STK3: variants seen among roughly 807,000 people sequenced by gnomAD.
The protein encoded by STK3 is serine/threonine-protein kinase 3.
In STK3, 41 loss-of-function variants were observed where a neutral mutation model predicts 58.0. That is an observed-to-expected ratio of 0.71 (90% CI 0.55 to 0.92). STK3 has a LOEUF of 0.92. Among genes scored for constraint, STK3 ranks in the 40% least tolerant of loss-of-function variants. STK3 has a pLI of 0.00. For missense variants in STK3, 479 were observed against 602.7 expected, an observed-to-expected ratio of 0.79 and a Z score of 2.15; for synonymous variants, 170 against 191.0, an observed-to-expected ratio of 0.89 and a Z score of 0.91.
chr8:98,586,565 G>C (rs1414458911), intron 7 of STK3, among the ~76,000 whole-genome samples: 1 of 145,962 alleles, frequency 6.9e-6, no homozygotes, highest in African/African-American at 2.6e-5. Flanking sequence ...TCTCTTTTTT[G>C]GTTGTGTCTC....
At chr8:98,570,282 C>A (rs994136118) in intron 8 of STK3, among the ~76,000 whole-genome samples, 2 of 150,756 alleles carry the variant, frequency 1.3e-5, no homozygotes, top group African/African-American at 4.9e-5. Context: ...GCATGCATCA[C>A]CAAGCCTAGC....
Position 98,723,753 on chromosome 8 carries a change from G to C in STK3, c.352-16442C>G, listed in dbSNP as rs372390681. 5.1e-4 allele frequency among the ~76,000 whole-genome samples: 77 copies of C among 152,116 alleles called. 1 individual carries two copies. The highest frequency in any genetic ancestry group is 1.7e-3 in the African/African-American group (71 of 41,514). On this transcript the variant is annotated intron_variant, in intron 4 of 10. Coordinates refer to ENST00000419617, the MANE Select transcript of STK3 (RefSeq NM_006281.4). ...CTTTTCAAATGCCATAAATAGATAAGTACAGGTACTTCATTTAAGTTTTAC... is the reference window on the plus strand; with the variant it reads ...CTTTTCAAATGCCATAAATAGATAACTACAGGTACTTCATTTAAGTTTTAC...
chr8:98,458,222 T>C (rs1819650619), intron 10 of STK3, among the ~76,000 whole-genome samples: 1 of 152,058 alleles, frequency 6.6e-6, no homozygotes, highest in Non-Finnish European at 1.5e-5. Context: ...AAAAATGATG[T>C]TGGTATTTTG....
chr8:98,483,797 G>A (rs1393381139), intron 10 of STK3, among the ~76,000 whole-genome samples: 1 of 152,110 alleles, frequency 6.6e-6, no homozygotes, highest in African/African-American at 2.4e-5. Flanking sequence ...ATTATCTTGG[G>A]TATCTTAAAT....
intron 3 of STK3, among the ~76,000 whole-genome samples, chr8:98,759,046 A>G (rs1197233409): frequency 6.6e-6 from 1 of 152,186 alleles, no homozygotes; most frequent in East Asian, 1.9e-4. Flanking sequence ...ATCAGCAATG[A>G]GGCTCTTCCA....
At chr8:98,785,481 G>A (rs915302588) in intron 1 of STK3, among the ~76,000 whole-genome samples, 2 of 152,122 alleles carry the variant, frequency 1.3e-5, no homozygotes, top group Non-Finnish European at 2.9e-5. Context: ...CTCCCTATGC[G>A]CTGACACTTG....
intron 8 of STK3, among the ~76,000 whole-genome samples, chr8:98,554,403 A>C (rs1811442571): frequency 6.6e-6 from 1 of 152,114 alleles, no homozygotes; most frequent in African/African-American, 2.4e-5. Context: ...CAAGAAACAT[A>C]ACATCTGATT....
intron 8 of STK3, among the ~76,000 whole-genome samples, chr8:98,567,204 T>C (rs1812554206): frequency 6.6e-6 from 1 of 152,128 alleles, no homozygotes; most frequent in Non-Finnish European, 1.5e-5. Context: ...AAAAATATCA[T>C]TTATGTCTAT....
chr8:98,693,268 T>C (rs1824550669), intron 6 of STK3, among the ~76,000 whole-genome samples: 1 of 151,988 alleles, frequency 6.6e-6, no homozygotes, highest in Non-Finnish European at 1.5e-5. Context: ...CATGGTAGCT[T>C]GTGCCTGTAG....
chr8:98,378,994 G>A (rs1299761849), intron 2 of STK3, among the ~76,000 whole-genome samples: 1 of 152,166 alleles, frequency 6.6e-6, no homozygotes, highest in South Asian at 2.1e-4. Context: ...CAGACCCAGG[G>A]TCCCAGGAAG....
rs1169213994 is a variant in STK3 at position 98,721,883 on chromosome 8, G to T, written c.352-14572C>A. ...TTTCCAAGAAGCACTAGGAAACATT[G>T]ATCCACTGAAAAATTATTTATTGAG... On this transcript the variant is annotated intron_variant, in intron 4 of 10. Transcript: ENST00000419617. 1.4e-4 allele frequency among the ~76,000 whole-genome samples: 21 copies of T among 152,032 alleles called. 1 individual carries two copies. Among genetic ancestry groups the T allele is most frequent in the Admixed American group, 1.4e-3 (21 of 15,268 alleles).
intron 1 of STK3, among the ~76,000 whole-genome samples, chr8:98,823,307 T>G (rs1257657020): frequency 6.6e-6 from 1 of 152,098 alleles, no homozygotes; most frequent in Non-Finnish European, 1.5e-5. Flanking sequence ...AAGTCAGCAC[T>G]AAGGAAGTGT....
intron 6 of STK3, among the ~76,000 whole-genome samples, chr8:98,666,664 G>A (rs894895020): frequency 6.6e-6 from 1 of 152,062 alleles, no homozygotes; most frequent in Admixed American, 6.5e-5. Context: ...ATTATCAAAA[G>A]AATACACATT....
intron 8 of STK3, among the ~76,000 whole-genome samples, chr8:98,557,082 T>C (rs900052442): frequency 2.0e-5 from 3 of 152,108 alleles, no homozygotes; most frequent in African/African-American, 7.2e-5. Context: ...TCCCATCAAG[T>C]AAGAAATCAA....
chr8:98,525,428 CAAA>C (rs74275395), intron 10 of STK3, among the ~76,000 whole-genome samples: 1 of 119,310 alleles, frequency 8.4e-6, no homozygotes, highest in Non-Finnish European at 1.8e-5. Context: ...AAATTTATGC[CAAA>C]AAAAAAAAAA....
rs188587748 is a variant in STK3, at chr8:98,843,500, G to A, written c.110+40147C>T. The stretch of plus-strand genomic sequence containing the variant: ...GCTTCCTAAGACTTCAATGGCTGCC[G>A]AATTTGCCAAGCTCCAAATCTTACA... On this transcript the variant is annotated intron_variant, in intron 3 of 12. Coordinates refer to the STK3 transcript ENST00000523601. Among the ~76,000 whole-genome samples, 28 of 152,264 alleles carry A rather than the reference G, an allele frequency of 1.8e-4. No individual in the cohort carries two copies. The East Asian group carries it at 2.7e-3, about 15-fold the overall frequency.
In STK3 at chr8:98,618,933, A is replaced by C. The variant is rs1337623747; in HGVS notation, c.685-22764T>G. Among the ~76,000 whole-genome samples the C allele has an allele frequency of 3.8e-3, 572 of 150,276 alleles. 3 individuals carry two copies. Among genetic ancestry groups the C allele is most frequent in the African/African-American group, 0.013 (545 of 40,724 alleles). ...CAATGCCATCCCCATCAAGCTACCA[A>C]TGACTTTCTTCACAGAATTGGAAAA... On this transcript the variant is annotated intron_variant, in intron 6 of 10. Coordinates refer to ENST00000419617, the MANE Select transcript of STK3 (RefSeq NM_006281.4).
At chr8:98,510,654 T>C (rs1824443868) in intron 10 of STK3, among the ~76,000 whole-genome samples, 2 of 151,990 alleles carry the variant, frequency 1.3e-5, no homozygotes, top group Admixed American at 1.3e-4. Context: ...TACATCAATT[T>C]AAAAATTTCT....
chr8:98,899,220 A>C (rs1401136026), intron 1 of STK3, among the ~76,000 whole-genome samples: 1 of 152,240 alleles, frequency 6.6e-6, no homozygotes, highest in Admixed American at 6.5e-5. Flanking sequence ...TTTCATGGGG[A>C]AAGGAGCCTA....
Sources: allele counts gnomAD v4.1 joint callset (sites outside exome capture counted in the v4.1 genomes callset), GRCh38; gene constraint gnomAD v4.1.1; transcripts MANE v1.5; gene names NCBI Gene and HGNC (gene_info 2026-07-23, HGNC 2026-07-21).